The following OTOF variants were observed in gnomAD, a reference collection of about 807,000 sequenced individuals.
OTOF encodes the protein fer-1-like family member 2.
Under a neutral mutation model 236.8 loss-of-function variants are expected in OTOF, and 218 were observed. That is an observed-to-expected ratio of 0.92 (90% CI 0.82 to 1.03). OTOF has a LOEUF of 1.03. Ranked by LOEUF, OTOF falls within the 50% of genes least tolerant of loss-of-function variation. The pLI is 0.00. For missense variants in OTOF, 2,590 were observed against 2,694.4 expected (o/e 0.96, Z 0.86); for synonymous variants, 1,041 against 1,072.5 (o/e 0.97, Z 0.57).
chr2:26,545,493 G>A (rs1462110221), intron 1 of OTOF, among the ~76,000 whole-genome samples: 1 of 151,998 alleles, frequency 6.6e-6, no homozygotes, highest in African/African-American at 2.4e-5. Context: ...TTTATGAATA[G>A]GAGTTTTCAA....
In OTOF at chr2:26,461,601, C is replaced by G. The variant is rs1664464320; in HGVS notation, c.5533+95G>C. ...TGGACTGGAAGCAATGACCCCTTGT[C>G]CCCCCAAGGCAGGGCTCTCCCTGTC... On this transcript the variant is annotated intron_variant, in intron 43 of 46. Coordinates refer to ENST00000272371, the MANE Select transcript of OTOF (RefSeq NM_194248.3). This position sits in a 1 kb window ranked among gnomAD's most constrained non-coding sequence, Gnocchi z 6.2. 1 of 1,539,872 alleles carries G rather than the reference C, an allele frequency of 6.5e-7. No homozygotes were observed. The highest frequency in any genetic ancestry group is 1.4e-5 in the African/African-American group (1 of 73,628).
In OTOF at chr2:26,460,137, G is replaced by A. The variant is rs779578562; in HGVS notation, c.5882C>T (p.Thr1961Met). 5.6e-6 allele frequency: 9 copies of A among 1,600,968 alleles called. No individual in the cohort carries two copies. Among genetic ancestry groups the A allele is most frequent in the Admixed American group, 1.7e-5 (1 of 58,064 alleles). The change falls in exon 46 of 47, where the codon ACG becomes ATG. Residue 1961 changes from threonine to methionine, a missense_variant. Physicochemically the swap from Thr to Met is moderately conservative, Grantham distance 81. This residue lies in a region of OTOF where 1,211 missense variants were observed against 1,352.8 expected (regional missense o/e 0.90). Coordinates refer to ENST00000272371, the MANE Select transcript of OTOF (RefSeq NM_194248.3). The surrounding 1 kb of genome is among the most constrained non-coding windows in gnomAD (Gnocchi z 5.3). ...CAGTTTGAGGAGCAGCCAGCGATAC[G>A]TGTGCCACAAGAAGTAGCGAGCCGA... ...LKSARYFLWH[T>M]YRWLLLKLLL... is the part of the protein sequence containing the mutation.
rs1665210788 is a variant in OTOF, at chr2:26,475,482, C to T, written c.3003G>A (p.Glu1001=). 1 of 1,612,686 alleles carries T rather than the reference C, an allele frequency of 6.2e-7. No homozygotes were observed. The highest frequency in any genetic ancestry group is 1.7e-5 in the Admixed American group (1 of 59,988). ...TCTGGTCCCAGGTGGGACACAGGGT[C>T]TCATTCAGCACCTGCAGCATGGGAT... ...NQSQCTEVLN[E]TLCPTWDQML... is the part of the protein sequence containing the mutation. Residue 1001 remains glutamate (E), a synonymous_variant, in exon 25 of 47, where the codon GAG becomes GAA. Coordinates refer to ENST00000272371, the MANE Select transcript of OTOF (RefSeq NM_194248.3).
At chr2:26,510,939 G>A (rs1666371671) in intron 5 of OTOF, among the ~76,000 whole-genome samples, 3 of 152,366 alleles carry the variant, frequency 2.0e-5, no homozygotes, top group South Asian at 2.1e-4. Flanking sequence ...CCATGGCCCT[G>A]GGTTCTGCCT....
intron 15 of OTOF, 45 bp from the exon 16 acceptor site, chr2:26,480,356 G>T: frequency 8.6e-7 from 1 of 1,167,470 alleles, no homozygotes; most frequent in Non-Finnish European, 1.3e-6. Context: ...GAGTAAGGGT[G>T]GCAGGTCGGG....
rs35043439 is a variant in OTOF, at chr2:26,546,467, G to GAA, written c.80-8695_80-8694dup. ...CAAGAGTGAAACTCTGTCTCAAAAA[G>GAA]AAAAAAAAAAAAAATCCACATATAA... On this transcript the variant is annotated intron_variant, in intron 1 of 46. Transcript: ENST00000272371. 6.1e-3 allele frequency among the ~76,000 whole-genome samples: 881 copies of GAA among 143,782 alleles called. 6 individuals are homozygous for GAA. The highest frequency in any genetic ancestry group is 0.019 in the African/African-American group (747 of 38,976). 94.3% of individuals were successfully genotyped at this position (143,782 alleles called of 152,430 possible). A position where few individuals can be genotyped will look rare whatever the true frequency, so the allele number is the denominator to read the frequency against.
intron 3 of OTOF, among the ~76,000 whole-genome samples, chr2:26,524,006 CTCT>C (rs1477912856): frequency 6.6e-6 from 1 of 152,260 alleles, no homozygotes; most frequent in East Asian, 1.9e-4. Flanking sequence ...ACAAGGGGAC[CTCT>C]TCTTTCCCAT....
At chr2:26,536,352 C>G (rs750381418) in intron 2 of OTOF, among the ~76,000 whole-genome samples, 8 of 152,194 alleles carry the variant, frequency 5.3e-5, no homozygotes. Context: ...AAGGTAAGGA[C>G]AGAAACTTCC....
intron 2 of OTOF, among the ~76,000 whole-genome samples, chr2:26,535,041 C>A (rs927355804): frequency 1.3e-5 from 2 of 152,232 alleles, no homozygotes; most frequent in African/African-American, 2.4e-5. Flanking sequence ...TGACCCAGGC[C>A]TCCGGGCCGT....
intron 1 of OTOF, among the ~76,000 whole-genome samples, chr2:26,545,056 G>C (rs201784532): frequency 7.1e-6 from 1 of 141,008 alleles, no homozygotes. Context: ...AAAAAAAAAA[G>C]AAAAGAAAAG....
chr2:26,537,716 C>T lies in OTOF; in HGVS notation c.138G>A (p.Glu46=), dbSNP rs1419930988. 2 of 1,553,088 alleles carry T rather than the reference C, an allele frequency of 1.3e-6. No homozygotes were observed. The highest frequency in any genetic ancestry group is 2.4e-5 in the East Asian group (1 of 41,140). The change falls in exon 2 of 47, where the codon GAG becomes GAA. Residue 46 remains glutamate (E), a splice_region_variant and synonymous_variant. Transcript: ENST00000272371. ...GAGGGGGGAGTCTTGGGCCTCCTACCTCATCAAAGTCAGCCACATCCTCAC... is the reference window on the plus strand; with the variant it reads ...GAGGGGGGAGTCTTGGGCCTCCTACTTCATCAAAGTCAGCCACATCCTCAC... ...ENCEDVADFD[E]TFRWPVASSI...
At chr2:26,489,776 G>T in intron 9 of OTOF, 36 bp from the exon 10 acceptor site, 1 of 1,535,684 alleles carries the variant, frequency 6.5e-7, no homozygotes, top group South Asian at 1.1e-5. Context: ...CTGTCACTGA[G>T]GGCAGCAGCA....
chr2:26,506,376 C>T (rs1666248318), intron 5 of OTOF, among the ~76,000 whole-genome samples: 1 of 152,244 alleles, frequency 6.6e-6, no homozygotes, highest in Non-Finnish European at 1.5e-5. Context: ...TTTGCCATTG[C>T]AGCCTGCTCC....
chr2:26,538,055 C>T lies in OTOF; in HGVS notation c.80-281G>A, dbSNP rs1522100. Among the ~76,000 whole-genome samples the T allele has an allele frequency of 0.35, 53,394 of 152,066 alleles. 11,634 individuals are homozygous for T. The highest frequency in any genetic ancestry group is 0.52 in the Admixed American group (7,896 of 15,282). ...GAAGGCCCAGGCTGGTCAGAGTGGC[C>T]GTGGAAGCGGACCTCAGGCACTCTT... On this transcript the variant is annotated intron_variant, in intron 1 of 46. Transcript: ENST00000272371.
Position 26,482,464 on chromosome 2 carries a change from G to C in OTOF, c.1521C>G (p.Asp507Glu). 1 of 1,613,320 alleles carries C rather than the reference G, an allele frequency of 6.2e-7. No individual in the cohort carries two copies. The highest frequency in any genetic ancestry group is 8.5e-7 in the Non-Finnish European group (1 of 1,180,018). ...CAATGAAGTGGGTGCCGATGGCCAC[G>C]TCGTTGACCTTGTCCGAGTCTCGGA... is the stretch of plus-strand genomic sequence containing the variant. ...VQIRDSDKVN[D>E]VAIGTHFIDL... The change falls in exon 14 of 47, where the codon GAC becomes GAG. Residue 507 changes from aspartate to glutamate, a missense_variant. Transcript: ENST00000272371.
At chr2:26,475,215 C>T (rs929288582) in intron 25 of OTOF, 144 bp downstream of exon 25, 2 of 927,510 alleles carry the variant, frequency 2.2e-6, no homozygotes, top group Admixed American at 3.8e-5. Flanking sequence ...AGCCCCCACT[C>T]CCAGCTTCCC....
chr2:26,500,890 C>T (rs1047747848), intron 8 of OTOF, among the ~76,000 whole-genome samples: 3 of 152,170 alleles, frequency 2.0e-5, no homozygotes, highest in South Asian at 2.1e-4. Context: ...AGATGGGGCT[C>T]ACTCTGATTC....
intron 32 of OTOF, among the ~76,000 whole-genome samples, chr2:26,469,362 TTGA>T (rs1388645839): frequency 6.6e-6 from 1 of 152,166 alleles, no homozygotes; most frequent in African/African-American, 2.4e-5. Flanking sequence ...CCTGGCCAAC[TTGA>T]TGGTGGGAGA....
At chr2:26,483,378 G>A in intron 13 of OTOF, 84 bp downstream of exon 13, 1 of 1,283,154 alleles carries the variant, frequency 7.8e-7, no homozygotes, top group Non-Finnish European at 1.1e-6. Flanking sequence ...TACCTGCCCA[G>A]CTGCCCCAGG....
Sources: allele counts gnomAD v4.1 joint callset (sites outside exome capture counted in the v4.1 genomes callset), GRCh38; gene constraint gnomAD v4.1.1; regional missense constraint gnomAD v4.1.1; non-coding constraint Gnocchi (gnomAD v3.1); transcripts MANE v1.5; gene names NCBI Gene and HGNC (gene_info 2026-07-23, HGNC 2026-07-21).